Variants in CNNM2 observed in about 807,000 individuals in gnomAD.
CNNM2 encodes cyclin and CBS domain divalent metal cation transport mediator 2.
CNNM2 carries 12 observed loss-of-function variants against 66.9 expected under a neutral mutation model. The ratio of observed to expected loss-of-function variants is 0.18; its 90% confidence interval spans 0.11 to 0.29. CNNM2 has a LOEUF of 0.29. CNNM2 is among the 10% of genes least tolerant of loss of function. CNNM2 has a pLI of 1.00. For missense variants in CNNM2, 705 were observed against 1,167.7 expected (o/e 0.60, Z 5.77); for synonymous variants, 557 against 501.8 (o/e 1.11, Z -1.47).
chr10:103,077,481 C>T lies in CNNM2; in HGVS notation c.*301C>T, dbSNP rs938957493. ...CTCCCTTTTATCATTATTCACACTC[C>T]TCTGCCCTCGATTTGCATGAAGTTG... On this transcript the variant is annotated 3_prime_UTR_variant, in exon 8 of 8. Coordinates refer to ENST00000369878, the MANE Select transcript of CNNM2 (RefSeq NM_017649.5). 2 of 374,002 alleles carry T rather than the reference C, an allele frequency of 5.3e-6. No homozygotes were observed. The highest frequency in any genetic ancestry group is 4.0e-5 in the African/African-American group (2 of 49,538). The allele number at this position is 374,002 out of a possible 1,614,324, so 23.2% of individuals were successfully genotyped here. A position where few individuals can be genotyped will look rare whatever the true frequency, so the allele number is the denominator to read the frequency against.
At chr10:102,944,204 G>A (rs1395523455) in intron 1 of CNNM2, among the ~76,000 whole-genome samples, 2 of 148,384 alleles carry the variant, frequency 1.3e-5, no homozygotes, top group East Asian at 3.9e-4. Context: ...TCAGCCCCCC[G>A]AGTAGCTAGG....
intron 4 of CNNM2, among the ~76,000 whole-genome samples, chr10:103,058,736 T>A (rs1029842141): frequency 5.9e-5 from 9 of 152,234 alleles, no homozygotes; most frequent in African/African-American, 2.2e-4. Context: ...TGTGTATGTT[T>A]GATGAACAGG....
intron 4 of CNNM2, among the ~76,000 whole-genome samples, chr10:103,066,123 G>GC (rs2134355794): frequency 6.6e-6 from 1 of 152,130 alleles, no homozygotes; most frequent in East Asian, 1.9e-4. Context: ...GACCGTCCTT[G>GC]CCCCTGGAAT....
At chr10:102,971,235 A>C (rs2063542282) in intron 1 of CNNM2, among the ~76,000 whole-genome samples, 1 of 145,422 alleles carries the variant, frequency 6.9e-6, no homozygotes, top group Non-Finnish European at 1.5e-5. Context: ...GGTGACTTAG[A>C]GACCTCGTCC....
chr10:102,998,057 T>C (rs2064037257), intron 1 of CNNM2, among the ~76,000 whole-genome samples: 1 of 152,186 alleles, frequency 6.6e-6, no homozygotes, highest in Admixed American at 6.5e-5. Context: ...TTGATGGCTC[T>C]GATTAAGTTA....
chr10:102,933,672 A>G (rs959802306), intron 1 of CNNM2, among the ~76,000 whole-genome samples: 9 of 152,148 alleles, frequency 5.9e-5, no homozygotes, highest in Admixed American at 5.9e-4. Context: ...ACAATTGGTT[A>G]TTGACAGTCA....
chr10:103,071,299 T>C (rs1390865090), intron 5 of CNNM2, among the ~76,000 whole-genome samples: 1 of 152,166 alleles, frequency 6.6e-6, no homozygotes. Context: ...TTGAAAGCGT[T>C]CCTAACAATT....
chr10:103,028,828 CTT>C (rs34401079), intron 1 of CNNM2, among the ~76,000 whole-genome samples: 360 of 99,208 alleles, frequency 3.6e-3, no homozygotes, highest in Non-Finnish European at 5.0e-3. Flanking sequence ...TTTTTTTTTT[CTT>C]TTTTTTTTTT....
chr10:102,954,904 C>A (rs551606826), intron 1 of CNNM2, among the ~76,000 whole-genome samples: 2 of 152,266 alleles, frequency 1.3e-5, no homozygotes, highest in Admixed American at 1.3e-4. Flanking sequence ...GAAGAACATT[C>A]CATGCTCATG....
chr10:102,983,395 C>T (rs2063747974), intron 1 of CNNM2, among the ~76,000 whole-genome samples: 1 of 144,954 alleles, frequency 6.9e-6, no homozygotes, highest in African/African-American at 2.5e-5. Flanking sequence ...GGCGTGGTGG[C>T]TCACACCTGT....
chr10:102,997,738 C>G (rs2064030975), intron 1 of CNNM2, among the ~76,000 whole-genome samples: 1 of 152,098 alleles, frequency 6.6e-6, no homozygotes, highest in African/African-American at 2.4e-5. Flanking sequence ...GAACAAAAAT[C>G]AATGTACAGG....
intron 1 of CNNM2, among the ~76,000 whole-genome samples, chr10:103,018,685 C>A (rs1411000892): frequency 9.3e-6 from 1 of 108,056 alleles, no homozygotes; most frequent in Non-Finnish European, 1.9e-5. Flanking sequence ...ACTCTTCTTT[C>A]CTTTTTTTTT....
intron 1 of CNNM2, among the ~76,000 whole-genome samples, chr10:103,024,959 T>C (rs966769126): frequency 6.6e-6 from 1 of 152,242 alleles, no homozygotes; most frequent in Non-Finnish European, 1.5e-5. Context: ...TAATACTTTA[T>C]AAAGGATGAA....
At chr10:102,923,116 CTTCT>C (rs1180017354) in intron 1 of CNNM2, among the ~76,000 whole-genome samples, 1 of 151,798 alleles carries the variant, frequency 6.6e-6, no homozygotes, top group Non-Finnish European at 1.5e-5. Context: ...ATGTGAATGT[CTTCT>C]TTCTTCTTCC....
intron 4 of CNNM2, among the ~76,000 whole-genome samples, chr10:103,062,259 C>G (rs944643999): frequency 2.0e-5 from 3 of 152,126 alleles, no homozygotes; most frequent in Admixed American, 1.3e-4. Context: ...AAACGGGGGT[C>G]GTCTTGTGGA....
intron 1 of CNNM2, among the ~76,000 whole-genome samples, chr10:103,037,650 A>G (rs1285004129): frequency 6.6e-6 from 1 of 152,208 alleles, no homozygotes; most frequent in Non-Finnish European, 1.5e-5. Flanking sequence ...AACATAAAGT[A>G]TAAGTACAAA....
At chr10:102,938,087 C>G (rs1350779982) in intron 1 of CNNM2, among the ~76,000 whole-genome samples, 1 of 151,378 alleles carries the variant, frequency 6.6e-6, no homozygotes, top group Non-Finnish European at 1.5e-5. Flanking sequence ...TGGCTTGAGC[C>G]CAGGAGTTTG....
chr10:102,952,710 T>C (rs1846886687), intron 1 of CNNM2, among the ~76,000 whole-genome samples: 1 of 152,140 alleles, frequency 6.6e-6, no homozygotes, highest in African/African-American at 2.4e-5. Context: ...CATTGGAGCT[T>C]GTTTTCCTGA....
intron 4 of CNNM2, among the ~76,000 whole-genome samples, chr10:103,057,404 A>G (rs181181304): frequency 1.3e-5 from 2 of 152,056 alleles, no homozygotes; most frequent in South Asian, 2.1e-4. Flanking sequence ...GCTTGAGCCC[A>G]GGAGGTTGCC....
Sources: allele counts gnomAD v4.1 joint callset (sites outside exome capture counted in the v4.1 genomes callset), GRCh38; gene constraint gnomAD v4.1.1; transcripts MANE v1.5; gene names NCBI Gene and HGNC (gene_info 2026-07-23, HGNC 2026-07-21).